Variants in COL24A1 observed in about 807,000 individuals in gnomAD.
The protein encoded by COL24A1 is collagen type XXIV alpha 1 chain.
A neutral mutation model predicts 253.9 loss-of-function variants in COL24A1; 224 were observed. The ratio of observed to expected loss-of-function variants is 0.88; its 90% CI spans 0.79 to 0.99. The LOEUF (loss-of-function observed/expected upper bound fraction) is 0.99. COL24A1 is among the 50% of genes least tolerant of loss of function. The pLI is 0.00. For synonymous variants in COL24A1, 685 were observed against 673.7 expected (o/e 1.02, Z -0.26); for missense variants, 2,131 against 2,068.5 (o/e 1.03, Z -0.59).
chr1:85,896,692 G>T (rs1314352255), intron 28 of COL24A1, among the ~76,000 whole-genome samples: 1 of 152,162 alleles, frequency 6.6e-6, no homozygotes, highest in African/African-American at 2.4e-5. Flanking sequence ...TACAGACGGG[G>T]TTTCACTGTG....
chr1:85,977,830 C>T (rs553664901), intron 20 of COL24A1, among the ~76,000 whole-genome samples: 24 of 152,244 alleles, frequency 1.6e-4, no homozygotes, highest in South Asian at 8.3e-4. Flanking sequence ...AGAAAACCTC[C>T]GTGGCCTTGC....
chr1:85,774,443 T>C (rs1668313265), intron 53 of COL24A1, among the ~76,000 whole-genome samples: 1 of 152,302 alleles, frequency 6.6e-6, no homozygotes, highest in Admixed American at 6.5e-5. Context: ...TCAGAAGAAA[T>C]GGTACCAGCT....
chr1:85,820,975 G>A (rs1673569358), intron 45 of COL24A1, among the ~76,000 whole-genome samples: 1 of 152,198 alleles, frequency 6.6e-6, no homozygotes, highest in Non-Finnish European at 1.5e-5. Context: ...TACTTCACTA[G>A]TTCTAACACT....
At chr1:85,821,319 C>T (rs1204311597) in intron 45 of COL24A1, among the ~76,000 whole-genome samples, 2 of 152,058 alleles carry the variant, frequency 1.3e-5, no homozygotes, top group East Asian at 3.9e-4. Flanking sequence ...TAAAAGATTA[C>T]AAGTAATAGG....
At chr1:85,897,771 T>C (rs1380930251) in intron 28 of COL24A1, among the ~76,000 whole-genome samples, 1 of 152,214 alleles carries the variant, frequency 6.6e-6, no homozygotes, top group Non-Finnish European at 1.5e-5. Context: ...AAAGGAATTA[T>C]GTTAAGTGTT....
chr1:86,091,692 C>T (rs1703499816), intron 6 of COL24A1, among the ~76,000 whole-genome samples: 1 of 151,966 alleles, frequency 6.6e-6, no homozygotes, highest in Non-Finnish European at 1.5e-5. Context: ...TTTGTATTGG[C>T]AGTGTTAGGA....
At position 86,133,040 on chromosome 1, in the gene COL24A1, T is replaced by G. The variant is rs117438295; in HGVS notation, c.122-6826A>C. ...CATTTTTTGTATCCTCTTATTTCAGTTTGTAGTTCTCCTTGAAGAGGTCCT... is the reference window on the plus strand; with the variant it reads ...CATTTTTTGTATCCTCTTATTTCAGGTTGTAGTTCTCCTTGAAGAGGTCCT... On this transcript the variant is annotated intron_variant, in intron 2 of 59. Coordinates refer to ENST00000370571, the MANE Select transcript of COL24A1 (RefSeq NM_152890.7). 5.2e-3 allele frequency among the ~76,000 whole-genome samples: 792 copies of G among 151,508 alleles called. 14 individuals carry two copies. In the East Asian group the frequency reaches 0.066, roughly 13 times the overall value.
rs550926941 is a variant in COL24A1, at chr1:85,973,447, T to C, written c.2365-2054A>G. On this transcript the variant is annotated intron_variant, in intron 20 of 59. Coordinates refer to ENST00000370571, the MANE Select transcript of COL24A1 (RefSeq NM_152890.7). ...TTAGAAAAAGGAGCAAAATCCTTTC[T>C]GGGAGGATTAGCATATTTTTAATAT... is the stretch of plus-strand genomic sequence containing the variant. Among the ~76,000 whole-genome samples, 9 of 152,274 alleles carry C rather than the reference T, an allele frequency of 5.9e-5. No individual in the cohort carries two copies. In the South Asian group the frequency reaches 1.7e-3, roughly 28 times the overall value.
chr1:85,823,469 C>G, intron 45 of COL24A1, 67 bp downstream of exon 45: 4 of 1,432,810 alleles, frequency 2.8e-6, no homozygotes, highest in Non-Finnish European at 3.9e-6. Context: ...ATAGTAACTC[C>G]TTGTGCTCCT....
chr1:85,910,402 T>C (rs1189844091), intron 25 of COL24A1, among the ~76,000 whole-genome samples: 1 of 151,910 alleles, frequency 6.6e-6, no homozygotes, highest in East Asian at 1.9e-4. Context: ...TGTGTAACCA[T>C]TTAAGAAAAT....
At chr1:86,067,550 G>A (rs1035806916) in intron 7 of COL24A1, among the ~76,000 whole-genome samples, 11 of 152,058 alleles carry the variant, frequency 7.2e-5, no homozygotes, top group Non-Finnish European at 1.6e-4. Context: ...GAATCACTTA[G>A]GTAGAAAATA....
chr1:86,108,562 C>T (rs1031731484), intron 5 of COL24A1, among the ~76,000 whole-genome samples: 5 of 137,408 alleles, frequency 3.6e-5, no homozygotes, highest in Non-Finnish European at 7.6e-5. Context: ...GCAGGTGGAT[C>T]ACCTGAGGTC....
intron 7 of COL24A1, among the ~76,000 whole-genome samples, chr1:86,073,077 A>T (rs1448483473): frequency 6.6e-6 from 1 of 152,220 alleles, no homozygotes; most frequent in Non-Finnish European, 1.5e-5. Context: ...TCTCCAGAGG[A>T]TCACAACTCC....
At chr1:85,832,074 T>C (rs1675362683) in intron 43 of COL24A1, among the ~76,000 whole-genome samples, 1 of 152,028 alleles carries the variant, frequency 6.6e-6, no homozygotes, top group Non-Finnish European at 1.5e-5. Context: ...AACATGTAAG[T>C]CTTTAATCCA....
At chr1:86,050,033 T>C (rs775612205) in intron 11 of COL24A1, 91 bp downstream of exon 11, 192 of 1,109,676 alleles carry the variant, frequency 1.7e-4, no homozygotes, top group Non-Finnish European at 2.4e-4. Context: ...CTCAGTAAGA[T>C]TACTTCCCTG....
At chr1:86,071,373 C>A (rs1452267417) in intron 7 of COL24A1, among the ~76,000 whole-genome samples, 1 of 151,802 alleles carries the variant, frequency 6.6e-6, no homozygotes, top group Non-Finnish European at 1.5e-5. Context: ...AAACAAATAA[C>A]AAAATGGCAG....
intron 53 of COL24A1, among the ~76,000 whole-genome samples, chr1:85,774,628 A>G (rs1668332835): frequency 6.6e-6 from 1 of 151,950 alleles, no homozygotes; most frequent in Non-Finnish European, 1.5e-5. Context: ...GAATTTATCC[A>G]TTTCTTTTAG....
In COL24A1 at chr1:85,935,478, T is replaced by A. The variant is rs1166163697; in HGVS notation, c.2563-24045A>T. On this transcript the variant is annotated intron_variant, in intron 24 of 59. Coordinates refer to ENST00000370571, the MANE Select transcript of COL24A1 (RefSeq NM_152890.7). ...TGTTTCCAAATAGCTAACCTTTGGA[T>A]CACTTCACTCCTATTTTCAAATGAA... is the stretch of plus-strand genomic sequence containing the variant. Among the ~76,000 whole-genome samples, 3 of 147,656 alleles carry A rather than the reference T, an allele frequency of 2.0e-5. 1 individual carries two copies. Among genetic ancestry groups the A allele is most frequent in the Non-Finnish European group, 4.5e-5 (3 of 66,744 alleles).
Position 86,112,550 on chromosome 1 carries a change from G to A in COL24A1, c.1599+17C>T. 11 of 1,608,514 alleles carry A rather than the reference G, an allele frequency of 6.8e-6. No homozygotes were observed. The highest frequency in any genetic ancestry group is 9.4e-6 in the Non-Finnish European group (11 of 1,176,150). On this transcript the variant is annotated intron_variant, in intron 5 of 59. Coordinates refer to ENST00000370571, the MANE Select transcript of COL24A1 (RefSeq NM_152890.7). ...TGATACTCATTAGCTTAAGTTGCCTGATTAGTAGTCACTTACCTTTGGACC... is the reference window on the plus strand; with the variant it reads ...TGATACTCATTAGCTTAAGTTGCCTAATTAGTAGTCACTTACCTTTGGACC...
Sources: allele counts gnomAD v4.1 joint callset (sites outside exome capture counted in the v4.1 genomes callset), GRCh38; gene constraint gnomAD v4.1.1; transcripts MANE v1.5; gene names NCBI Gene and HGNC (gene_info 2026-07-23, HGNC 2026-07-21).